Variants in G6PC2 observed in about 807,000 individuals in gnomAD.
G6PC2 encodes glucose-6-phosphatase 2.
A neutral mutation model predicts 35.4 loss-of-function variants in G6PC2; 41 were observed. The ratio of observed to expected loss-of-function variants is 1.16; its 90% CI spans 0.90 to 1.50. The LOEUF (loss-of-function observed/expected upper bound fraction) is 1.50. Among genes scored for constraint, G6PC2 ranks in the 40% most tolerant of loss-of-function variants. The pLI is 0.00. For synonymous variants in G6PC2, 165 were observed against 153.2 expected, an observed-to-expected ratio of 1.08 and a Z score of -0.57; for missense variants, 441 against 426.5, an observed-to-expected ratio of 1.03 and a Z score of -0.30.
rs775468067 is a variant in G6PC2 at position 168,906,663 on chromosome 2, G to T, written c.441-1G>T. ...TGCTTGTATCTATTCTTCCATCGTA[G>T]ACTGACCTGGTCATTTCTTTGGAGT... On this transcript the variant is annotated splice_acceptor_variant, in intron 3 of 4. Transcript: ENST00000375363. LOFTEE classifies it high-confidence loss of function. The T allele has an allele frequency of 4.0e-6, 6 of 1,497,698 alleles. No individual in the cohort carries two copies. The highest frequency in any genetic ancestry group is 5.6e-6 in the Non-Finnish European group (6 of 1,073,988). The allele number at this position is 1,497,698 out of a possible 1,614,324, so 92.8% of individuals were successfully genotyped here.
At chr2:168,904,429 A>C in intron 2 of G6PC2, 76 bp from the exon 3 acceptor site, 1 of 807,854 alleles carries the variant, frequency 1.2e-6, no homozygotes, top group Non-Finnish European at 2.3e-6. Flanking sequence ...TTCATGGGGA[A>C]TATGCTATTC....
chr2:168,907,429 CT>C, intron 4 of G6PC2, 138 bp from the exon 5 acceptor site: 1 of 887,422 alleles, frequency 1.1e-6, no homozygotes, highest in Admixed American at 1.8e-5. Context: ...CTAAAAAAGG[CT>C]TTGGAAAATG....
chr2:168,901,453 T>C lies in G6PC2; in HGVS notation c.122T>C (p.Ile41Thr). 1 of 1,599,886 alleles carries C rather than the reference T, an allele frequency of 6.3e-7. No individual in the cohort carries two copies. Among genetic ancestry groups the C allele is most frequent in the Non-Finnish European group, 8.6e-7 (1 of 1,166,976 alleles). ...NVGDPRNIFFIYFPLCFQFNQ... is the reference protein window; with the variant it reads ...NVGDPRNIFFTYFPLCFQFNQ... ...GGAGACCCCAGGAATATCTTTTTCA[T>C]TTATTTTCCACTTTGTTTTCAATTT... Residue 41 changes from isoleucine to threonine, a missense_variant, in exon 1 of 5, where the codon ATT (isoleucine) becomes ACT (threonine). Ile to Thr is a moderately conservative substitution (Grantham distance 89). Transcript: ENST00000375363.
rs2105856930 is a variant in G6PC2 at position 168,907,612 on chromosome 2, A to G, written c.601A>G (p.Thr201Ala). 6.2e-7 allele frequency: 1 copy of G among 1,613,960 alleles called. No homozygotes were observed. The highest frequency in any genetic ancestry group is 1.6e-4 in the Middle Eastern group (1 of 6,062). Residue 201 changes from threonine to alanine, a missense_variant, in exon 5 of 5, where the codon ACG becomes GCG. Coordinates refer to ENST00000375363, the MANE Select transcript of G6PC2 (RefSeq NM_021176.3). ...EAFEHTPGIQ[T>A]ASLGTYLKTN... ...CTTTGAACACACTCCAGGCATCCAA[A>G]CGGCCAGTCTGGGCACATACCTGAA... is the stretch of plus-strand genomic sequence containing the variant.
At chr2:168,903,720 G>A (rs759540656) in intron 2 of G6PC2, among the ~76,000 whole-genome samples, 81 of 152,074 alleles carry the variant, frequency 5.3e-4, no homozygotes, top group Non-Finnish European at 7.9e-4. Flanking sequence ...ATAAGAAATA[G>A]GTCTGTCTTT....
chr2:168,905,299 G>A (rs563816750), intron 3 of G6PC2, among the ~76,000 whole-genome samples: 7 of 152,054 alleles, frequency 4.6e-5, no homozygotes, highest in African/African-American at 1.7e-4. Flanking sequence ...TACCAATTTA[G>A]CCATAAATTA....
rs1478992764 is a variant in G6PC2 at position 168,908,259 on chromosome 2, C to A, written c.*180C>A. ...GCACTGGTCTTTTTTTTTAATCCTT[C>A]AGTTACCAATATTTAGATACAAGAA... On this transcript the variant is annotated 3_prime_UTR_variant, in exon 5 of 5. Coordinates refer to ENST00000375363, the MANE Select transcript of G6PC2 (RefSeq NM_021176.3). 3.2e-6 allele frequency: 2 copies of A among 616,542 alleles called. No homozygotes were observed. The highest frequency in any genetic ancestry group is 1.8e-5 in the African/African-American group (1 of 54,070). 38.2% of individuals were successfully genotyped at this position (616,542 alleles called of 1,614,324 possible). A position where few individuals can be genotyped will look rare whatever the true frequency, so the allele number is the denominator to read the frequency against.
At position 168,908,062 on chromosome 2, in the gene G6PC2, G is replaced by A. The variant is rs1453704821; in HGVS notation, c.1051G>A (p.Gly351Arg). Residue 351 changes from glycine (G) to arginine (R), a missense_variant, in exon 5 of 5, where the codon GGA (glycine) becomes AGA (arginine). By Grantham distance (125) the Gly-to-Arg change is moderately radical (BLOSUM62 -2). Transcript: ENST00000375363. ...TGTTCATATGTTAATGAAACAAAGC[G>A]GAAAGAAGAGTCAGTAGAGTGGTGC... is the stretch of plus-strand genomic sequence containing the variant. ...YSVHMLMKQS[G>R]KKSQ 1.7e-5 allele frequency: 27 copies of A among 1,613,040 alleles called. No homozygotes were observed. Among genetic ancestry groups the A allele is most frequent in the African/African-American group, 5.3e-5 (4 of 74,888 alleles).
At chr2:168,902,928 G>A (rs992762441) in intron 2 of G6PC2, 11 of 297,932 alleles carry the variant, frequency 3.7e-5, no homozygotes, top group African/African-American at 1.8e-4. Context: ...AACTTTCAAA[G>A]TTACTATAGG....
intron 3 of G6PC2, 27 bp from the exon 4 acceptor site, chr2:168,906,637 A>T (rs1690717753): frequency 9.0e-7 from 1 of 1,116,064 alleles, no homozygotes; most frequent in African/African-American, 1.5e-5. Context: ...TTTGCTTTTT[A>T]TGCTTGTATC....
rs779614984 is a variant in G6PC2 at position 168,901,361 on chromosome 2, C to T, written c.30C>T (p.Leu10=). ...ATTTCCTTCACAGGAATGGAGTGCTCATAATTCAGCATTTGCAGAAGGACT... is the reference window on the plus strand; with the variant it reads ...ATTTCCTTCACAGGAATGGAGTGCTTATAATTCAGCATTTGCAGAAGGACT... MDFLHRNGV[L]IIQHLQKDYR... Residue 10 remains leucine, a synonymous_variant, in exon 1 of 5, where the codon CTC becomes CTT. Coordinates refer to ENST00000375363, the MANE Select transcript of G6PC2 (RefSeq NM_021176.3). The T allele has an allele frequency of 8.7e-6, 14 of 1,601,688 alleles. No homozygotes were observed. The Admixed American group carries it at 1.2e-4, about 13-fold the overall frequency.
chr2:168,907,924 C>T lies in G6PC2; in HGVS notation c.913C>T (p.Gln305Ter), dbSNP rs1186584536. 1.1e-5 allele frequency: 17 copies of T among 1,613,914 alleles called. No individual in the cohort carries two copies. The highest frequency in any genetic ancestry group is 1.4e-5 in the Non-Finnish European group (17 of 1,179,876). ...TGCCTTGACCTCATTGACAATACTG[C>T]AGCTCTACCATTTCCTCCAGATCCC... is the stretch of plus-strand genomic sequence containing the variant. ...LCALTSLTIL[Q>*]LYHFLQIPTH... The change falls in exon 5 of 5, where the codon CAG becomes TAG. Residue 305 changes from glutamine to a stop codon, truncating the protein, a stop_gained. Coordinates refer to ENST00000375363, the MANE Select transcript of G6PC2 (RefSeq NM_021176.3). LOFTEE classifies it high-confidence loss of function.
At position 168,908,534 on chromosome 2, in the gene G6PC2, C is replaced by G. The variant is rs1171841284; in HGVS notation, c.*455C>G. ...ATTTTAGTGGGGACCACAGCCATAT[C>G]CAGTTTCAGTTTTCAGATGAGGAAA... On this transcript the variant is annotated 3_prime_UTR_variant, in exon 5 of 5. Coordinates refer to ENST00000375363, the MANE Select transcript of G6PC2 (RefSeq NM_021176.3). The G allele has an allele frequency of 4.7e-6, 1 of 212,874 alleles. No homozygotes were observed. Among genetic ancestry groups the G allele is most frequent in the East Asian group, 1.2e-4 (1 of 8,484 alleles). 13.2% of individuals were successfully genotyped at this position (212,874 alleles called of 1,614,324 possible). A position where few individuals can be genotyped will look rare whatever the true frequency, so the allele number is the denominator to read the frequency against.
Position 168,902,518 on chromosome 2 carries a change from C to T in G6PC2, c.292C>T (p.Leu98Phe), listed in dbSNP as rs148743304. 7.0e-6 allele frequency: 11 copies of T among 1,573,464 alleles called. No homozygotes were observed. Among genetic ancestry groups the T allele is most frequent in the African/African-American group, 2.7e-5 (2 of 74,242 alleles). Residue 98 changes from leucine to phenylalanine, a missense_variant, in exon 2 of 5, where the codon CTT (leucine) becomes TTT (phenylalanine). Coordinates refer to ENST00000375363, the MANE Select transcript of G6PC2 (RefSeq NM_021176.3). ...TTACCCAAATCACTCAAGTCCATGC[C>T]TTGAACAGTTCCCTACTACATGTGA... ...QIYPNHSSPC[L>F]EQFPTTCETG...
At chr2:168,906,803 G>A (rs779907176) in intron 4 of G6PC2, 24 bp downstream of exon 4, 2 of 1,088,166 alleles carry the variant, frequency 1.8e-6, no homozygotes, top group African/African-American at 3.1e-5. Flanking sequence ...CTTACCTTTA[G>A]CTGTGTCCTT....
chr2:168,904,538 G>T lies in G6PC2; in HGVS notation c.362G>T (p.Cys121Phe), dbSNP rs1690666797. The T allele has an allele frequency of 1.2e-6, 2 of 1,612,202 alleles. No individual in the cohort carries two copies. The highest frequency in any genetic ancestry group is 1.7e-6 in the Non-Finnish European group (2 of 1,178,236). Residue 121 changes from cysteine to phenylalanine, a missense_variant, in exon 3 of 5, where the codon TGT becomes TTT. Cys to Phe is a radical substitution (Grantham distance 205, BLOSUM62 -2). Coordinates refer to ENST00000375363, the MANE Select transcript of G6PC2 (RefSeq NM_021176.3). ...SPSGHAMGAS[C>F]VWYVMVTAAL... is the part of the protein sequence containing the mutation. ...TCTGGCCATGCAATGGGCGCATCCTGTGTCTGGTATGTCATGGTAACCGCT... is the reference window on the plus strand; with the variant it reads ...TCTGGCCATGCAATGGGCGCATCCTTTGTCTGGTATGTCATGGTAACCGCT...
At position 168,907,647 on chromosome 2, in the gene G6PC2, C is replaced by T. The variant is rs776103155; in HGVS notation, c.636C>T (p.Leu212=). 1.7e-5 allele frequency: 28 copies of T among 1,613,800 alleles called. No individual in the cohort carries two copies. Among genetic ancestry groups the T allele is most frequent in the Non-Finnish European group, 2.3e-5 (27 of 1,179,834 alleles). The change falls in exon 5 of 5, where the codon CTC becomes CTT. Residue 212 remains leucine (L), a synonymous_variant. Transcript: ENST00000375363. The part of the protein sequence containing the change: ...ASLGTYLKTN[L]FLFLFAVGFY... ...TGGGCACATACCTGAAGACCAACCT[C>T]TTTCTCTTCCTGTTTGCAGTTGGCT...
In G6PC2 at chr2:168,906,644, T is replaced by C. The variant is rs774161448; in HGVS notation, c.441-20T>C. Reference sequence around the variant, plus strand: ...CCAGTTTCTTTGCTTTTTATGCTTGTATCTATTCTTCCATCGTAGACTGAC... The same window carrying C: ...CCAGTTTCTTTGCTTTTTATGCTTGCATCTATTCTTCCATCGTAGACTGAC... On this transcript the variant is annotated intron_variant, in intron 3 of 4. Coordinates refer to ENST00000375363, the MANE Select transcript of G6PC2 (RefSeq NM_021176.3). The C allele has an allele frequency of 1.7e-6, 2 of 1,198,704 alleles. No individual in the cohort carries two copies. The highest frequency in any genetic ancestry group is 2.5e-6 in the Non-Finnish European group (2 of 800,306). The allele number at this position is 1,198,704 out of a possible 1,614,324, so 74.3% of individuals were successfully genotyped here.
chr2:168,906,900 A>T, intron 4 of G6PC2, 121 bp downstream of exon 4: 1 of 733,828 alleles, frequency 1.4e-6, no homozygotes, highest in South Asian at 1.4e-5. Flanking sequence ...CTGTGAAGTC[A>T]CTGATACTAA....
Sources: gnomAD v4.1 joint callset for allele counts (sites outside exome capture counted in the v4.1 genomes callset) on GRCh38, gnomAD v4.1.1 for gene constraint, MANE v1.5 for transcripts, NCBI Gene and HGNC (gene_info 2026-07-23, HGNC 2026-07-21) for gene names.